Variants in SOHLH2 observed in about 807,000 individuals in gnomAD.
The protein encoded by SOHLH2 is spermatogenesis and oogenesis specific basic helix-loop-helix 2.
Under a neutral mutation model 50.4 loss-of-function variants are expected in SOHLH2, and 22 were observed. The observed-to-expected ratio is 0.44, with a 90% CI of 0.31 to 0.62. SOHLH2 has a LOEUF of 0.62. Ranked by LOEUF, SOHLH2 falls within the 20% of genes least tolerant of loss-of-function variation. The pLI is 0.08. For synonymous variants in SOHLH2, 185 were observed against 187.3 expected (o/e 0.99, Z 0.10); for missense variants, 412 against 504.4 (o/e 0.82, Z 1.76).
intron 1 of SOHLH2, among the ~76,000 whole-genome samples, chr13:36,209,329 T>TG (rs932611231): frequency 4.2e-4 from 64 of 150,700 alleles, no homozygotes; most frequent in African/African-American, 1.5e-3. Context: ...TTTTAGAAGT[T>TG]TTTTTTTTTT....
intron 1 of SOHLH2, among the ~76,000 whole-genome samples, chr13:36,206,985 C>T (rs1398818618): frequency 1.3e-5 from 2 of 151,460 alleles, no homozygotes; most frequent in African/African-American, 4.8e-5. Context: ...ACCTCCTTGC[C>T]CTTTAATGTT....
In SOHLH2 at chr13:36,201,709, A is replaced by G. The variant is rs148217845; in HGVS notation, c.263+170T>C. On this transcript the variant is annotated intron_variant, in intron 2 of 10. Coordinates refer to ENST00000379881, the MANE Select transcript of SOHLH2 (RefSeq NM_017826.3). ...GGTCTGGAACTCCCGGGTTAAAGCA[A>G]TCATCCCACATCGGCCTCTCAAAGT... Among the ~76,000 whole-genome samples, 261 of 152,288 alleles carry G rather than the reference A, an allele frequency of 1.7e-3. 2 individuals carry two copies. The highest frequency in any genetic ancestry group is 6.1e-3 in the African/African-American group (254 of 41,556).
chr13:36,194,874 T>C (rs1887677159), intron 2 of SOHLH2, among the ~76,000 whole-genome samples: 1 of 152,200 alleles, frequency 6.6e-6, no homozygotes, highest in Non-Finnish European at 1.5e-5. Flanking sequence ...AGAACTGGGA[T>C]CACCCCCACT....
chr13:36,209,691 C>T (rs943418599), intron 1 of SOHLH2, among the ~76,000 whole-genome samples: 1 of 152,210 alleles, frequency 6.6e-6, no homozygotes, highest in South Asian at 2.1e-4. Flanking sequence ...GTAGAGGGCA[C>T]AAACATTCAG....
Position 36,191,779 on chromosome 13 carries a change from A to G in SOHLH2, c.530+16T>C, listed in dbSNP as rs2138298654. The G allele has an allele frequency of 6.2e-7, 1 of 1,612,964 alleles. No homozygotes were observed. Among genetic ancestry groups the G allele is most frequent in the East Asian group, 2.2e-5 (1 of 44,866 alleles). On this transcript the variant is annotated intron_variant, in intron 5 of 10. Coordinates refer to ENST00000379881, the MANE Select transcript of SOHLH2 (RefSeq NM_017826.3). ...TCTAAAAATATTGCTATTATGAAAA[A>G]GAACAAAAAACTAACCAGGCAAATA...
intron 6 of SOHLH2, among the ~76,000 whole-genome samples, chr13:36,175,073 A>AT (rs1313950458): frequency 2.0e-5 from 3 of 152,296 alleles, no homozygotes; most frequent in African/African-American, 7.2e-5. Flanking sequence ...GCACCCACGC[A>AT]TACTGCTACA....
intron 6 of SOHLH2, among the ~76,000 whole-genome samples, chr13:36,177,241 C>A (rs146268593): frequency 1.6e-4 from 25 of 152,188 alleles, no homozygotes; most frequent in African/African-American, 5.3e-4. Context: ...ATGGGGCTAA[C>A]CATATCAGCA....
rs1869326746 is a variant in SOHLH2 at position 36,214,519 on chromosome 13, G to C, written c.8C>G (p.Ser3Cys). The change falls in exon 1 of 11, where the codon TCC becomes TGC. Residue 3 changes from serine to cysteine, a missense_variant. Ser to Cys is a moderately radical substitution (Grantham distance 112, BLOSUM62 -1). Coordinates refer to ENST00000379881, the MANE Select transcript of SOHLH2 (RefSeq NM_017826.3). MA[S>C]SIICQEHCQI... is the part of the protein sequence containing the mutation. ...GCAGTGCTCCTGGCAGATAATTGAG[G>C]AAGCCATGGCCGCTGCGCACGTGCT... The C allele has an allele frequency of 6.2e-7, 1 of 1,612,484 alleles. No homozygotes were observed. The highest frequency in any genetic ancestry group is 8.5e-7 in the Non-Finnish European group (1 of 1,179,434).
At chr13:36,172,173 C>G (rs1886976027) in intron 9 of SOHLH2, among the ~76,000 whole-genome samples, 1 of 152,160 alleles carries the variant, frequency 6.6e-6, no homozygotes, top group African/African-American at 2.4e-5. Context: ...TCTTGAAATG[C>G]TGGGGCATAG....
At chr13:36,206,986 CTT>C (rs1330739085) in intron 1 of SOHLH2, among the ~76,000 whole-genome samples, 2 of 151,610 alleles carry the variant, frequency 1.3e-5, no homozygotes, top group Non-Finnish European at 2.9e-5. Flanking sequence ...CCTCCTTGCC[CTT>C]TAATGTTTTT....
At chr13:36,188,831 T>C (rs747718504) in intron 6 of SOHLH2, among the ~76,000 whole-genome samples, 9 of 152,142 alleles carry the variant, frequency 5.9e-5, no homozygotes, top group Non-Finnish European at 1.2e-4. Context: ...AATCATCCTA[T>C]ATCCATCCCT....
intron 1 of SOHLH2, 88 bp from the exon 2 acceptor site, chr13:36,202,181 TC>T: frequency 6.7e-7 from 1 of 1,495,064 alleles, no homozygotes; most frequent in Non-Finnish European, 9.1e-7. Flanking sequence ...TAAATAAAGC[TC>T]ACAAATAACA....
intron 9 of SOHLH2, among the ~76,000 whole-genome samples, chr13:36,171,662 A>G (rs1307272201): frequency 1.3e-5 from 2 of 152,218 alleles, no homozygotes; most frequent in African/African-American, 4.8e-5. Flanking sequence ...AGTCCAAGGA[A>G]AAGTCCAAAA....
At position 36,173,785 on chromosome 13, in the gene SOHLH2, A is replaced by G. The variant is rs773247024; in HGVS notation, c.907T>C (p.Ser303Pro). 9.3e-6 allele frequency: 15 copies of G among 1,613,984 alleles called. No individual in the cohort carries two copies. Among genetic ancestry groups the G allele is most frequent in the Non-Finnish European group, 1.3e-5 (15 of 1,180,040 alleles). Residue 303 changes from serine to proline, a missense_variant, in exon 9 of 11, where the codon TCC (serine) becomes CCC (proline). Transcript: ENST00000379881. ...AGGAATTGGAGCCCTCTCTCAGGGG[A>G]GTAAGTGCTCATCACACTGTTTTCC... ...QRENSVMSTY[S>P]PERGLQFLTN...
chr13:36,206,812 A>G (rs906042699), intron 1 of SOHLH2, among the ~76,000 whole-genome samples: 7 of 151,700 alleles, frequency 4.6e-5, no homozygotes, highest in African/African-American at 7.2e-5. Context: ...ATCATAGGTT[A>G]TATTTATAAT....
chr13:36,177,541 C>T (rs1415894838), intron 6 of SOHLH2, among the ~76,000 whole-genome samples: 1 of 152,096 alleles, frequency 6.6e-6, no homozygotes, highest in Non-Finnish European at 1.5e-5. Flanking sequence ...TGTATCAGAC[C>T]TCTTGTTCCA....
At chr13:36,208,922 G>A (rs759724777) in intron 1 of SOHLH2, among the ~76,000 whole-genome samples, 3 of 152,138 alleles carry the variant, frequency 2.0e-5, no homozygotes, top group South Asian at 2.1e-4. Context: ...AAGCTGCTTC[G>A]TTCCTTTGGA....
At chr13:36,192,508 A>C (rs1026008873) in intron 4 of SOHLH2, among the ~76,000 whole-genome samples, 2 of 152,236 alleles carry the variant, frequency 1.3e-5, no homozygotes, top group African/African-American at 4.8e-5. Context: ...AGACTCACTC[A>C]TCTGAATATT....
intron 4 of SOHLH2, among the ~76,000 whole-genome samples, chr13:36,193,260 A>C (rs1887627100): frequency 6.6e-6 from 1 of 152,252 alleles, no homozygotes; most frequent in African/African-American, 2.4e-5. Context: ...TGCAAAGAAG[A>C]AAGCACAATA....
Sources: allele counts gnomAD v4.1 joint callset (sites outside exome capture counted in the v4.1 genomes callset), GRCh38; gene constraint gnomAD v4.1.1; transcripts MANE v1.5; gene names NCBI Gene and HGNC (gene_info 2026-07-23, HGNC 2026-07-21).